The following THSD7A variants were observed in gnomAD, a reference collection of about 807,000 sequenced individuals.
THSD7A encodes thrombospondin type-1 domain-containing protein 7A.
A neutral mutation model predicts 231.3 loss-of-function variants in THSD7A; 96 were observed. The observed-to-expected ratio is 0.41, with a 90% CI of 0.35 to 0.49. The LOEUF is 0.49. Ranked by LOEUF, THSD7A falls within the 20% of genes least tolerant of loss-of-function variation. The probability of loss-of-function intolerance (pLI) is 0.05; values close to 1 mark genes in which losing one functional copy is unlikely to be tolerated. For missense variants in THSD7A, 2,290 were observed against 2,070.2 expected, an observed-to-expected ratio of 1.11 and a Z score of -2.06; for synonymous variants, 940 against 743.3, an observed-to-expected ratio of 1.26 and a Z score of -4.30.
intron 23 of THSD7A, among the ~76,000 whole-genome samples, chr7:11,400,575 G>T (rs1032083872): frequency 2.6e-5 from 4 of 151,954 alleles, no homozygotes; most frequent in African/African-American, 9.7e-5. Context: ...CTTGCCTTGG[G>T]AATTATTTTA....
At chr7:11,648,477 C>T (rs1487164751) in intron 1 of THSD7A, among the ~76,000 whole-genome samples, 2 of 151,874 alleles carry the variant, frequency 1.3e-5, no homozygotes, top group African/African-American at 2.4e-5. Context: ...CCCAATGCTC[C>T]GTTTCTGTTG....
Position 11,474,674 on chromosome 7 carries a change from C to T in THSD7A, c.2018-106G>A, listed in dbSNP as rs1453761439. ...GGCTTAGAAATAAAAAGTGACTTTTCTTCCCCACATCAAGTTCATAAATAC... is the reference window on the plus strand; with the variant it reads ...GGCTTAGAAATAAAAAGTGACTTTTTTTCCCCACATCAAGTTCATAAATAC... On this transcript the variant is annotated intron_variant, in intron 7 of 27. Coordinates refer to ENST00000423059, the MANE Select transcript of THSD7A (RefSeq NM_015204.3). The surrounding 1 kb of genome is among the most constrained non-coding windows in gnomAD (Gnocchi z 4.1). 1 of 867,316 alleles carries T rather than the reference C, an allele frequency of 1.2e-6. No individual in the cohort carries two copies. The highest frequency in any genetic ancestry group is 1.9e-5 in the South Asian group (1 of 52,586). The allele number at this position is 867,316 out of a possible 1,614,324, so 53.7% of individuals were successfully genotyped here.
intron 1 of THSD7A, among the ~76,000 whole-genome samples, chr7:11,801,023 C>T (rs932259282): frequency 6.6e-6 from 1 of 151,974 alleles, no homozygotes; most frequent in African/African-American, 2.4e-5. Flanking sequence ...ATGTATTGGC[C>T]AGATGTGATG....
chr7:11,790,523 G>A (rs567185185), intron 1 of THSD7A, among the ~76,000 whole-genome samples: 1 of 152,012 alleles, frequency 6.6e-6, no homozygotes, highest in Non-Finnish European at 1.5e-5. Context: ...CTTAATGAGA[G>A]ATAAAAGTGC....
Position 11,553,989 on chromosome 7 carries a change from G to A in THSD7A, c.1454-10872C>T, listed in dbSNP as rs566250115. Among the ~76,000 whole-genome samples, 10 of 151,666 alleles carry A rather than the reference G, an allele frequency of 6.6e-5. No homozygotes were observed. The South Asian group carries it at 2.1e-3, about 32-fold the overall frequency. On this transcript the variant is annotated intron_variant, in intron 4 of 27. Coordinates refer to ENST00000423059, the MANE Select transcript of THSD7A (RefSeq NM_015204.3). ...CTATAATTTTTAAATTAAATGTTTT[G>A]AGGTAATTGTAGATTGATATGAAAT...
chr7:11,769,153 A>ATATATTTTTT, intron 1 of THSD7A, among the ~76,000 whole-genome samples: 2 of 27,662 alleles, frequency 7.2e-5, no homozygotes, highest in African/African-American at 1.2e-4. Context: ...ATATATATAT[A>ATATATTTTTT]TTTTTTTTTT....
chr7:11,711,592 G>A (rs999239771), intron 1 of THSD7A, among the ~76,000 whole-genome samples: 1 of 151,094 alleles, frequency 6.6e-6, no homozygotes, highest in African/African-American at 2.4e-5. Flanking sequence ...GGGATTACAT[G>A]AGATGATGAA....
chr7:11,552,282 A>G (rs960847347), intron 4 of THSD7A, among the ~76,000 whole-genome samples: 4 of 152,080 alleles, frequency 2.6e-5, no homozygotes, highest in Non-Finnish European at 5.9e-5. Flanking sequence ...TACCCATGTA[A>G]CAAACCTGTA....
At chr7:11,509,511 T>C (rs968145285) in intron 6 of THSD7A, among the ~76,000 whole-genome samples, 3 of 152,130 alleles carry the variant, frequency 2.0e-5, no homozygotes, top group African/African-American at 4.8e-5. Flanking sequence ...AGATGATCCA[T>C]GTTAACAGTG....
At chr7:11,595,661 C>G (rs539651173) in intron 2 of THSD7A, among the ~76,000 whole-genome samples, 121 of 152,260 alleles carry the variant, frequency 7.9e-4, no homozygotes, top group African/African-American at 2.9e-3. Context: ...ATACCCTTGA[C>G]CAATGCCTTG....
At chr7:11,439,136 T>C (rs1043790338) in intron 13 of THSD7A, among the ~76,000 whole-genome samples, 2 of 151,994 alleles carry the variant, frequency 1.3e-5, no homozygotes, top group African/African-American at 4.8e-5. Flanking sequence ...CAAATCTGAA[T>C]TGGGCTTTGA....
At chr7:11,784,497 T>C (rs1020314711) in intron 1 of THSD7A, among the ~76,000 whole-genome samples, 4 of 152,012 alleles carry the variant, frequency 2.6e-5, no homozygotes, top group Non-Finnish European at 5.9e-5. Context: ...TTAAACTTAA[T>C]TTCTTCGTCT....
intron 1 of THSD7A, among the ~76,000 whole-genome samples, chr7:11,749,419 T>C (rs941861298): frequency 4.6e-5 from 7 of 152,100 alleles, no homozygotes; most frequent in Admixed American, 4.6e-4. Context: ...TCCCTAGTCA[T>C]AAATGTGTTG....
At chr7:11,381,720 C>T (rs1782523652) in intron 24 of THSD7A, among the ~76,000 whole-genome samples, 1 of 152,122 alleles carries the variant, frequency 6.6e-6, no homozygotes, top group African/African-American at 2.4e-5. Context: ...ATTTCTGGGT[C>T]CATGTGCCTG....
At chr7:11,806,351 T>A (rs1395431847) in intron 1 of THSD7A, among the ~76,000 whole-genome samples, 4 of 152,258 alleles carry the variant, frequency 2.6e-5, no homozygotes, top group African/African-American at 9.6e-5. Context: ...CTCCCTAAAT[T>A]GATTTCAATG....
chr7:11,507,008 T>C (rs1468568484), intron 6 of THSD7A, among the ~76,000 whole-genome samples: 1 of 152,192 alleles, frequency 6.6e-6, no homozygotes, highest in Non-Finnish European at 1.5e-5. Context: ...TCTGTTCATC[T>C]CTCATTGCTG....
chr7:11,761,053 C>T (rs1202578794), intron 1 of THSD7A, among the ~76,000 whole-genome samples: 1 of 150,484 alleles, frequency 6.6e-6, no homozygotes, highest in Non-Finnish European at 1.5e-5. Flanking sequence ...TATGTCAAAC[C>T]CAAAAGTATA....
intron 6 of THSD7A, among the ~76,000 whole-genome samples, chr7:11,488,368 A>G (rs1562651064): frequency 6.6e-6 from 1 of 152,102 alleles, no homozygotes; most frequent in East Asian, 1.9e-4. Context: ...CTTTCTAGAA[A>G]ACATTTTCAT....
In THSD7A at chr7:11,407,055, C is replaced by T; in HGVS notation, c.3917G>A (p.Gly1306Glu). Residue 1306 changes from glycine (G) to glutamate (E), a missense_variant and splice_region_variant, in exon 21 of 28, where the codon GGA (glycine) becomes GAA (glutamate). Transcript: ENST00000423059. ...SECSQTCGLTGKMIRRRTVTQ... is the reference protein window; with the variant it reads ...SECSQTCGLTEKMIRRRTVTQ... ...CACTGTTCGTCTTCGGATCATTTTT[C>T]CTTGAAGAGATACAAAGTGATGCAC... 1.2e-6 allele frequency: 2 copies of T among 1,613,526 alleles called. No individual in the cohort carries two copies. The highest frequency in any genetic ancestry group is 1.7e-6 in the Non-Finnish European group (2 of 1,179,776).
Sources: gnomAD v4.1 joint callset for allele counts (sites outside exome capture counted in the v4.1 genomes callset) on GRCh38, gnomAD v4.1.1 for gene constraint, Gnocchi (gnomAD v3.1) non-coding constraint, MANE v1.5 for transcripts, NCBI Gene and HGNC (gene_info 2026-07-23, HGNC 2026-07-21) for gene names.